Variants in DUSP3 observed in about 807,000 individuals in gnomAD.
The protein encoded by DUSP3 is dual specificity protein phosphatase 3.
In DUSP3, 7 loss-of-function variants were observed where a neutral mutation model predicts 15.5. The ratio of observed to expected loss-of-function variants is 0.45; its 90% confidence interval spans 0.26 to 0.85. The LOEUF (loss-of-function observed/expected upper bound fraction) is 0.85. Among genes scored for constraint, DUSP3 ranks in the 40% least tolerant of loss-of-function variants. DUSP3 has a pLI of 0.18. For synonymous variants in DUSP3, 86 were observed against 104.2 expected, an observed-to-expected ratio of 0.83 and a Z score of 1.07; for missense variants, 209 against 251.7, an observed-to-expected ratio of 0.83 and a Z score of 1.15.
chr17:43,775,969 G>C (rs1042041350), intron 1 of DUSP3, among the ~76,000 whole-genome samples: 1 of 152,088 alleles, frequency 6.6e-6, no homozygotes, highest in East Asian at 1.9e-4. Context: ...AAGTGAGCCG[G>C]GTGTGGTGGT....
At chr17:43,773,116 G>A (rs187252284) in intron 2 of DUSP3, among the ~76,000 whole-genome samples, 1 of 152,332 alleles carries the variant, frequency 6.6e-6, no homozygotes, top group Admixed American at 6.5e-5. Flanking sequence ...TGAGGGGCCT[G>A]TCAGCAAAGT....
intron 2 of DUSP3, among the ~76,000 whole-genome samples, chr17:43,773,671 T>G (rs925248972): frequency 3.9e-5 from 6 of 152,078 alleles, no homozygotes; most frequent in African/African-American, 1.4e-4. Flanking sequence ...TACTTGTTCT[T>G]AAAGAGAGAG....
chr17:43,769,011 T>G lies in DUSP3; in HGVS notation c.*598A>C, dbSNP rs1206642229. ...GGGACCATTCATCCTAAGGAAATCA[T>G]TCAAATGCAGCCTTGCTGTGGGAAT... On this transcript the variant is annotated 3_prime_UTR_variant, in exon 3 of 3. Transcript: ENST00000226004. 1 of 152,660 alleles carries G rather than the reference T, an allele frequency of 6.6e-6. No individual in the cohort carries two copies. The highest frequency in any genetic ancestry group is 6.5e-5 in the Admixed American group (1 of 15,276). The allele number at this position is 152,660 out of a possible 1,614,324, so 9.5% of individuals were successfully genotyped here.
chr17:43,776,673 G>A (rs1974391513), intron 1 of DUSP3, among the ~76,000 whole-genome samples: 1 of 152,244 alleles, frequency 6.6e-6, no homozygotes, highest in Admixed American at 6.5e-5. Context: ...ATTTTCTACA[G>A]TGGCCATCAG....
At chr17:43,774,425 T>C (rs1974360063) in intron 2 of DUSP3, among the ~76,000 whole-genome samples, 1 of 152,074 alleles carries the variant, frequency 6.6e-6, no homozygotes, top group Non-Finnish European at 1.5e-5. Context: ...GTTACAGCTG[T>C]TTGAATGGGG....
At chr17:43,771,909 C>A (rs945882507) in intron 2 of DUSP3, among the ~76,000 whole-genome samples, 1 of 151,482 alleles carries the variant, frequency 6.6e-6, no homozygotes, top group Admixed American at 6.6e-5. Flanking sequence ...ACTCAGAAAG[C>A]TGAGGCAGGA....
chr17:43,773,460 C>T (rs1974342829), intron 2 of DUSP3, among the ~76,000 whole-genome samples: 1 of 152,072 alleles, frequency 6.6e-6, no homozygotes, highest in African/African-American at 2.4e-5. Context: ...ACTGCCAGCG[C>T]CTTGGTAGTT....
chr17:43,773,585 A>AC (rs374135628), intron 2 of DUSP3, among the ~76,000 whole-genome samples: 2 of 152,086 alleles, frequency 1.3e-5, no homozygotes, highest in Non-Finnish European at 2.9e-5. Context: ...GACCGCAGCT[A>AC]CCCCTTTTCT....
intron 2 of DUSP3, among the ~76,000 whole-genome samples, chr17:43,772,408 G>A (rs775003070): frequency 3.2e-4 from 49 of 152,104 alleles, no homozygotes; most frequent in Non-Finnish European, 6.3e-4. Flanking sequence ...CATGCCCAGT[G>A]CACACAGAGC....
In DUSP3 at chr17:43,767,548, G is replaced by C. The variant is rs947386591; in HGVS notation, c.*2061C>G. 1 of 152,492 alleles carries C rather than the reference G, an allele frequency of 6.6e-6. No individual in the cohort carries two copies. The highest frequency in any genetic ancestry group is 1.5e-5 in the Non-Finnish European group (1 of 68,030). 9.4% of individuals were successfully genotyped at this position (152,492 alleles called of 1,614,324 possible). ...ACCTTATGGAGCTGGACAACCCTGGGGGCCAGGCCCTTAATCATTCTGAAC... is the reference window on the plus strand; with the variant it reads ...ACCTTATGGAGCTGGACAACCCTGGCGGCCAGGCCCTTAATCATTCTGAAC... On this transcript the variant is annotated 3_prime_UTR_variant, in exon 3 of 3. Coordinates refer to ENST00000226004, the MANE Select transcript of DUSP3 (RefSeq NM_004090.4).
chr17:43,767,693 G>T lies in DUSP3; in HGVS notation c.*1916C>A, dbSNP rs913863409. 2.0e-5 allele frequency: 3 copies of T among 152,228 alleles called. No homozygotes were observed. The highest frequency in any genetic ancestry group is 7.2e-5 in the African/African-American group (3 of 41,452). 9.4% of individuals were successfully genotyped at this position (152,228 alleles called of 1,614,324 possible). A position where few individuals can be genotyped will look rare whatever the true frequency, so the allele number is the denominator to read the frequency against. On this transcript the variant is annotated 3_prime_UTR_variant, in exon 3 of 3. Transcript: ENST00000226004. Reference sequence around the variant, plus strand: ...AGGCTACCTAGAAGCTGTGCAGTGAGGTACCCAGTTTAGAGGATGGCCATT... The same window carrying T: ...AGGCTACCTAGAAGCTGTGCAGTGATGTACCCAGTTTAGAGGATGGCCATT...
At chr17:43,770,098 C>T (rs915799779) in intron 2 of DUSP3, among the ~76,000 whole-genome samples, 1 of 152,148 alleles carries the variant, frequency 6.6e-6, no homozygotes, top group Non-Finnish European at 1.5e-5. Flanking sequence ...ACGTGCATCC[C>T]CTCTGGCCCA....
At chr17:43,774,484 G>A (rs916870406) in intron 2 of DUSP3, among the ~76,000 whole-genome samples, 1 of 152,190 alleles carries the variant, frequency 6.6e-6, no homozygotes, top group African/African-American at 2.4e-5. Flanking sequence ...GCAGTCAAAC[G>A]CGAGGACCCT....
At position 43,767,112 on chromosome 17, in the gene DUSP3, G is replaced by A. The variant is rs568141351; in HGVS notation, c.*2497C>T. ...TTATCAGCATAAAAGTAGTCCCAAAGTAAAGGCAGTAATTCTCCCAATGGC... is the reference window on the plus strand; with the variant it reads ...TTATCAGCATAAAAGTAGTCCCAAAATAAAGGCAGTAATTCTCCCAATGGC... On this transcript the variant is annotated 3_prime_UTR_variant, in exon 3 of 3. Transcript: ENST00000226004. 3 of 152,756 alleles carry A rather than the reference G, an allele frequency of 2.0e-5. No individual in the cohort carries two copies. The South Asian group carries it at 6.2e-4, about 32-fold the overall frequency. The allele number at this position is 152,756 out of a possible 1,614,324, so 9.5% of individuals were successfully genotyped here.
At chr17:43,776,807 G>C (rs1207073279) in intron 1 of DUSP3, among the ~76,000 whole-genome samples, 1 of 152,216 alleles carries the variant, frequency 6.6e-6, no homozygotes, top group Non-Finnish European at 1.5e-5. Context: ...CCTGCTTGCT[G>C]CTTGGTGCAA....
At chr17:43,773,338 G>C (rs918203823) in intron 2 of DUSP3, among the ~76,000 whole-genome samples, 2 of 152,192 alleles carry the variant, frequency 1.3e-5, no homozygotes, top group African/African-American at 4.8e-5. Flanking sequence ...GTAAAGGGAG[G>C]AGCTGAGAGA....
At chr17:43,775,174 G>A (rs1252000607) in intron 1 of DUSP3, among the ~76,000 whole-genome samples, 1 of 152,156 alleles carries the variant, frequency 6.6e-6, no homozygotes, top group Non-Finnish European at 1.5e-5. Context: ...CCTCTGTCTG[G>A]AATGCTCTTT....
rs1428447290 is a variant in DUSP3, at chr17:43,768,856, T to A, written c.*753A>T. The A allele has an allele frequency of 6.6e-6, 1 of 151,446 alleles. No homozygotes were observed. The highest frequency in any genetic ancestry group is 2.4e-5 in the African/African-American group (1 of 41,248). 9.4% of individuals were successfully genotyped at this position (151,446 alleles called of 1,614,324 possible). A position where few individuals can be genotyped will look rare whatever the true frequency, so the allele number is the denominator to read the frequency against. Reference sequence around the variant, plus strand: ...TCACTCTTCTCAAAAACGAAGTGACTGAGATAAGATCGAAGGGAAATATTC... The same window carrying A: ...TCACTCTTCTCAAAAACGAAGTGACAGAGATAAGATCGAAGGGAAATATTC... On this transcript the variant is annotated 3_prime_UTR_variant, in exon 3 of 3. Transcript: ENST00000226004.
intron 1 of DUSP3, among the ~76,000 whole-genome samples, chr17:43,776,205 C>A (rs1974385999): frequency 1.3e-5 from 2 of 152,230 alleles, no homozygotes. Context: ...ACATCCCAGT[C>A]CAAATAGCAG....
Sources: allele counts gnomAD v4.1 joint callset (sites outside exome capture counted in the v4.1 genomes callset), GRCh38; gene constraint gnomAD v4.1.1; transcripts MANE v1.5; gene names NCBI Gene and HGNC (gene_info 2026-07-23, HGNC 2026-07-21).